The following KDM2B variants were observed in gnomAD, a reference collection of about 807,000 sequenced individuals.
The protein encoded by KDM2B is lysine demethylase 2B, also known as lysine-specific demethylase 2B.
Under a neutral mutation model 150.0 loss-of-function variants are expected in KDM2B, and 26 were observed. The ratio of observed to expected loss-of-function variants is 0.17; its 90% CI spans 0.13 to 0.24. The LOEUF is 0.24. Among genes scored for constraint, KDM2B ranks in the 10% least tolerant of loss-of-function variants. The pLI, the probability that KDM2B is intolerant of heterozygous loss-of-function variation, is 1.00. For synonymous variants in KDM2B, 734 were observed against 729.5 expected (o/e 1.01, Z -0.10); for missense variants, 1,265 against 1,816.9 (o/e 0.70, Z 5.52).
At chr12:121,473,388 CAAA>C (rs138780057) in intron 12 of KDM2B, among the ~76,000 whole-genome samples, 2 of 111,822 alleles carry the variant, frequency 1.8e-5, no homozygotes, top group African/African-American at 3.7e-5. Flanking sequence ...GACTCTGTCT[CAAA>C]AAAAAAAAAA....
intron 4 of KDM2B, among the ~76,000 whole-genome samples, chr12:121,568,074 T>C (rs1414794906): frequency 6.6e-6 from 1 of 152,226 alleles, no homozygotes; most frequent in East Asian, 1.9e-4. Flanking sequence ...GGTACTTTCT[T>C]ACGGCAGCCC....
intron 1 of KDM2B, 88 bp downstream of exon 1, chr12:121,580,697 CA>C: frequency 4.7e-6 from 7 of 1,485,416 alleles, no homozygotes; most frequent in Non-Finnish European, 4.5e-6. Context: ...CTGGCACCCC[CA>C]AAAACGACCC....
chr12:121,447,415 A>G (rs1876461514), intron 13 of KDM2B, among the ~76,000 whole-genome samples: 1 of 151,018 alleles, frequency 6.6e-6, no homozygotes, highest in East Asian at 2.0e-4. Flanking sequence ...CTAATTTTTT[A>G]TATTTGTAGT....
intron 14 of KDM2B, chr12:121,444,937 T>G: frequency 2.5e-6 from 1 of 397,672 alleles, no homozygotes; most frequent in Non-Finnish European, 4.6e-6. Flanking sequence ...GTGTGGGGCC[T>G]TGTTCTCCCA....
chr12:121,516,673 G>C, intron 9 of KDM2B: 1 of 655,210 alleles, frequency 1.5e-6, no homozygotes, highest in Non-Finnish European at 2.6e-6. Context: ...GTCTACCAGA[G>C]GACCTCAGGG....
chr12:121,580,738 G>C (rs782719396), intron 1 of KDM2B, 48 bp downstream of exon 1: 1 of 1,600,400 alleles, frequency 6.2e-7, no homozygotes. Context: ...TCATTGCCCA[G>C]GGCTACCCCT....
intron 4 of KDM2B, among the ~76,000 whole-genome samples, chr12:121,552,112 A>G (rs1889548343): frequency 1.3e-5 from 2 of 152,046 alleles, no homozygotes. Context: ...AACCATTACC[A>G]TTTACTATGT....
chr12:121,536,383 C>T (rs1888097368), intron 6 of KDM2B: 1 of 152,436 alleles, frequency 6.6e-6, no homozygotes, highest in Non-Finnish European at 1.5e-5. Flanking sequence ...GTTGACAGCA[C>T]AGGACGCAGG....
chr12:121,481,933 C>T (rs1311003773), intron 12 of KDM2B, among the ~76,000 whole-genome samples: 1 of 152,174 alleles, frequency 6.6e-6, no homozygotes, highest in African/African-American at 2.4e-5. Context: ...CACCCGGCAC[C>T]ACATCCAGCT....
chr12:121,484,540 G>A (rs116464401), intron 12 of KDM2B, among the ~76,000 whole-genome samples: 20 of 152,242 alleles, frequency 1.3e-4, no homozygotes, highest in Middle Eastern at 3.4e-3. Context: ...GATGGAGGCC[G>A]GACATGGTGG....
chr12:121,571,613 G>A (rs1460246268), intron 4 of KDM2B, among the ~76,000 whole-genome samples: 2 of 150,962 alleles, frequency 1.3e-5, no homozygotes, highest in Non-Finnish European at 3.0e-5. Flanking sequence ...ATTTTAAAAT[G>A]GTTAAGTGGC....
chr12:121,549,380 G>T lies in KDM2B; in HGVS notation c.576+80C>A. 7.3e-7 allele frequency: 1 copy of T among 1,371,362 alleles called. No homozygotes were observed. 84.9% of individuals were successfully genotyped at this position (1,371,362 alleles called of 1,614,324 possible). A position where few individuals can be genotyped will look rare whatever the true frequency, so the allele number is the denominator to read the frequency against. On this transcript the variant is annotated intron_variant, in intron 5 of 22. Coordinates refer to ENST00000377071, the MANE Select transcript of KDM2B (RefSeq NM_032590.5). This position sits in a 1 kb window ranked among gnomAD's most constrained non-coding sequence, Gnocchi z 4.4. ...ACACCCACATGAGCCTTTTTGCAAG[G>T]CACAACCCAGGTGGCAGGGGGACAG...
In KDM2B at chr12:121,518,516, G is replaced by A. The variant is rs188114314; in HGVS notation, c.1047+2469C>T. 5.3e-4 allele frequency among the ~76,000 whole-genome samples: 80 copies of A among 152,318 alleles called. 1 individual carries two copies. Among genetic ancestry groups the A allele is most frequent in the Admixed American group, 1.6e-3 (24 of 15,304 alleles). ...CTCAGGGGAAGGGACAGTAGGCCCC[G>A]GTGGGGGAGGGGACCTGCCATTCTC... On this transcript the variant is annotated intron_variant, in intron 9 of 22. Coordinates refer to ENST00000377071, the MANE Select transcript of KDM2B (RefSeq NM_032590.5). The surrounding 1 kb of genome is among the most constrained non-coding windows in gnomAD (Gnocchi z 4.4).
At chr12:121,448,383 C>T (rs1424775850) in intron 13 of KDM2B, among the ~76,000 whole-genome samples, 1 of 145,830 alleles carries the variant, frequency 6.9e-6, no homozygotes, top group Non-Finnish European at 1.5e-5. Context: ...AGTCCTCTCA[C>T]ATCAAACTCA....
chr12:121,506,793 G>T (rs1171159074), intron 11 of KDM2B, among the ~76,000 whole-genome samples: 1 of 152,106 alleles, frequency 6.6e-6, no homozygotes, highest in Non-Finnish European at 1.5e-5. Context: ...CAAAATAGCC[G>T]GGTGTGGTGG....
chr12:121,442,393 C>A lies in KDM2B; in HGVS notation c.3048G>T (p.Leu1016=), dbSNP rs959812846. ...GGGAGATGACACGGGGCGGGCTGCG[C>A]AGGCTGGGCCCCAGCTGGTGCCGCA... The part of the protein sequence containing the change: ...RELRHQLGPS[L]RSPPRVISRP... The change falls in exon 19 of 23, where the codon CTG becomes CTT. Residue 1016 remains leucine (L), a synonymous_variant. Transcript: ENST00000377071. The surrounding 1 kb of genome is among the most constrained non-coding windows in gnomAD (Gnocchi z 7.7). The A allele has an allele frequency of 1.3e-6, 2 of 1,594,100 alleles. No homozygotes were observed. Among genetic ancestry groups the A allele is most frequent in the African/African-American group, 2.7e-5 (2 of 74,720 alleles).
intron 6 of KDM2B, among the ~76,000 whole-genome samples, chr12:121,543,005 C>T (rs1341768290): frequency 6.6e-6 from 1 of 152,212 alleles, no homozygotes; most frequent in African/African-American, 2.4e-5. Flanking sequence ...CAACTACCCC[C>T]ACTCCACTCC....
At chr12:121,574,840 G>A (rs931876758) in intron 3 of KDM2B, among the ~76,000 whole-genome samples, 3 of 152,216 alleles carry the variant, frequency 2.0e-5, no homozygotes, top group African/African-American at 7.2e-5. Flanking sequence ...CAGAGGGTAG[G>A]ACATCCACTG....
At chr12:121,414,669 CTGTTGTTGT>C in the KDM2B span, among the ~76,000 whole-genome samples, 155 of 152,182 alleles carry the variant, frequency 1.0e-3, no homozygotes, top group South Asian at 0.024. Context: ...AAATACTTTC[CTGTTGTTGT>C]TGTTGTTTTT....
Sources: allele counts gnomAD v4.1 joint callset (sites outside exome capture counted in the v4.1 genomes callset), GRCh38; gene constraint gnomAD v4.1.1; non-coding constraint Gnocchi (gnomAD v3.1); transcripts MANE v1.5; gene names NCBI Gene and HGNC (gene_info 2026-07-23, HGNC 2026-07-21).